Variants in VTI1A observed in about 807,000 individuals in gnomAD.
The protein encoded by VTI1A is vesicle transport through interaction with t-SNAREs 1A, also known as vesicle transport through interaction with t-SNAREs homolog 1A.
Under a neutral mutation model 34.9 loss-of-function variants are expected in VTI1A, and 22 were observed. The observed-to-expected ratio is 0.63, with a 90% confidence interval of 0.45 to 0.90. The LOEUF (loss-of-function observed/expected upper bound fraction) is 0.90. Ranked by LOEUF, VTI1A falls within the 40% of genes least tolerant of loss-of-function variation. The pLI, the probability that VTI1A is intolerant of heterozygous loss-of-function variation, is 0.00. For missense variants in VTI1A, 268 were observed against 275.6 expected (o/e 0.97, Z 0.20); for synonymous variants, 87 against 97.3 (o/e 0.89, Z 0.62).
intron 7 of VTI1A, among the ~76,000 whole-genome samples, chr10:112,700,748 G>A (rs1463956060): frequency 1.3e-5 from 2 of 152,180 alleles, no homozygotes; most frequent in Non-Finnish European, 2.9e-5. Flanking sequence ...GGTACTTTGT[G>A]ATTGATTTTT....
chr10:112,639,499 C>G (rs766230380), intron 5 of VTI1A, among the ~76,000 whole-genome samples: 1 of 152,028 alleles, frequency 6.6e-6, no homozygotes, highest in Non-Finnish European at 1.5e-5. Flanking sequence ...ATACTCAGAC[C>G]TAGAAGCTTC....
chr10:112,478,128 G>C (rs1430982369), intron 3 of VTI1A, among the ~76,000 whole-genome samples: 1 of 152,114 alleles, frequency 6.6e-6, no homozygotes, highest in African/African-American at 2.4e-5. Context: ...AAAATATTAT[G>C]TATATATTAT....
intron 7 of VTI1A, among the ~76,000 whole-genome samples, chr10:112,757,638 G>A (rs1438929181): frequency 2.0e-5 from 3 of 151,944 alleles, no homozygotes; most frequent in African/African-American, 7.3e-5. Context: ...TGCCCACCTC[G>A]TCCTGCCAAA....
At chr10:112,517,688 C>T (rs1335997027) in intron 3 of VTI1A, among the ~76,000 whole-genome samples, 3 of 152,062 alleles carry the variant, frequency 2.0e-5, no homozygotes, top group African/African-American at 7.2e-5. Context: ...TCTGTGATCT[C>T]CCTCCGGAAA....
chr10:112,707,625 C>T (rs1564892957), intron 7 of VTI1A, among the ~76,000 whole-genome samples: 1 of 152,194 alleles, frequency 6.6e-6, no homozygotes, highest in Non-Finnish European at 1.5e-5. Context: ...AGTCACCTTG[C>T]CCAGCTATTG....
chr10:112,707,780 T>A (rs1409456629), intron 7 of VTI1A, among the ~76,000 whole-genome samples: 1 of 152,254 alleles, frequency 6.6e-6, no homozygotes, highest in East Asian at 1.9e-4. Flanking sequence ...AAAGTTATTG[T>A]CCTAAATTGG....
chr10:112,802,750 G>A (rs868330751), intron 7 of VTI1A, among the ~76,000 whole-genome samples: 19 of 152,296 alleles, frequency 1.2e-4, no homozygotes, highest in South Asian at 6.2e-4. Context: ...AGGCCTATTG[G>A]AAGATTGTCC....
intron 7 of VTI1A, among the ~76,000 whole-genome samples, chr10:112,801,820 T>C (rs1590197602): frequency 2.6e-5 from 4 of 152,198 alleles, no homozygotes; most frequent in Admixed American, 2.0e-4. Flanking sequence ...AGTGTGCCAG[T>C]GATTGAGGAA....
rs1853508917 is a variant in VTI1A, at chr10:112,815,933, G to A, written c.*550G>A. The A allele has an allele frequency of 4.3e-6, 1 of 231,000 alleles. No individual in the cohort carries two copies. The highest frequency in any genetic ancestry group is 2.2e-5 in the African/African-American group (1 of 45,208). 14.3% of individuals were successfully genotyped at this position (231,000 alleles called of 1,614,324 possible). A position where few individuals can be genotyped will look rare whatever the true frequency, so the allele number is the denominator to read the frequency against. ...TTCATTGTAAAGGTCGGTATTTAAT[G>A]TCGGTTGTACAGGAAATTGACTTAG... On this transcript the variant is annotated 3_prime_UTR_variant, in exon 8 of 8. Transcript: ENST00000393077.
intron 7 of VTI1A, among the ~76,000 whole-genome samples, chr10:112,778,928 CAGG>C (rs780326179): frequency 1.2e-4 from 18 of 152,096 alleles, no homozygotes; most frequent in South Asian, 1.0e-3. Context: ...AAGAAATATG[CAGG>C]AGAAGTTCAG....
At chr10:112,627,393 C>T (rs1845962814) in intron 5 of VTI1A, among the ~76,000 whole-genome samples, 1 of 152,080 alleles carries the variant, frequency 6.6e-6, no homozygotes, top group Non-Finnish European at 1.5e-5. Context: ...AACCCTAGTC[C>T]TTATATGACA....
chr10:112,848,095 C>T, the VTI1A span, among the ~76,000 whole-genome samples: 1 of 152,188 alleles, frequency 6.6e-6, no homozygotes, highest in Non-Finnish European at 1.5e-5. Flanking sequence ...GAAACATTCC[C>T]AGACACAACC....
chr10:112,798,852 C>A (rs748320844), intron 7 of VTI1A, among the ~76,000 whole-genome samples: 28 of 152,194 alleles, frequency 1.8e-4, no homozygotes, highest in Non-Finnish European at 3.7e-4. Flanking sequence ...CCATTCCAGG[C>A]CTCCTGACCT....
chr10:112,753,261 C>T (rs1851168017), intron 7 of VTI1A, among the ~76,000 whole-genome samples: 2 of 150,132 alleles, frequency 1.3e-5, no homozygotes, highest in Non-Finnish European at 3.0e-5. Context: ...AGAAACTTTA[C>T]TCTTTTAAAT....
intron 3 of VTI1A, among the ~76,000 whole-genome samples, chr10:112,482,635 C>T (rs896715544): frequency 6.6e-6 from 1 of 152,132 alleles, no homozygotes; most frequent in African/African-American, 2.4e-5. Context: ...TTGCTTTTCA[C>T]TCTGAAAAGG....
At chr10:112,680,763 G>C (rs1848182991) in intron 7 of VTI1A, among the ~76,000 whole-genome samples, 2 of 152,194 alleles carry the variant, frequency 1.3e-5, no homozygotes, top group Admixed American at 1.3e-4. Flanking sequence ...GTGCAGATAA[G>C]ACTTCACAGA....
chr10:112,727,463 A>C (rs745893405), intron 7 of VTI1A, among the ~76,000 whole-genome samples: 2 of 152,166 alleles, frequency 1.3e-5, no homozygotes, highest in Non-Finnish European at 2.9e-5. Context: ...TAGGAAGTTG[A>C]AGCTACTTAC....
At chr10:112,806,672 C>T (rs1398722181) in intron 7 of VTI1A, among the ~76,000 whole-genome samples, 4 of 152,042 alleles carry the variant, frequency 2.6e-5, no homozygotes, top group Non-Finnish European at 4.4e-5. Flanking sequence ...TGCGATTTCA[C>T]CCTCAGGCTT....
chr10:112,652,644 T>C (rs1021171190), intron 5 of VTI1A, among the ~76,000 whole-genome samples: 1 of 148,146 alleles, frequency 6.8e-6, no homozygotes, highest in South Asian at 2.2e-4. Flanking sequence ...GGATGATCAC[T>C]TGGGCCCAAG....
Sources: gnomAD v4.1 joint callset for allele counts (sites outside exome capture counted in the v4.1 genomes callset) on GRCh38, gnomAD v4.1.1 for gene constraint, MANE v1.5 for transcripts, NCBI Gene and HGNC (gene_info 2026-07-23, HGNC 2026-07-21) for gene names.